Variants in SOX5 observed in about 807,000 individuals in gnomAD.
SOX5 encodes the protein SRY-box transcription factor 5, also known as transcription factor SOX-5.
In SOX5, 9 loss-of-function variants were observed where a neutral mutation model predicts 92.0. The observed-to-expected ratio is 0.10, with a 90% CI of 0.06 to 0.17. The LOEUF is 0.17. SOX5 is among the 10% of genes least tolerant of loss of function. The pLI is 1.00. For missense variants in SOX5, 642 were observed against 944.5 expected (o/e 0.68, Z 4.20); for synonymous variants, 344 against 336.3 (o/e 1.02, Z -0.25).
intron 4 of SOX5, among the ~76,000 whole-genome samples, chr12:24,127,695 G>C (rs1439804764): frequency 1.3e-5 from 2 of 152,098 alleles, no homozygotes; most frequent in Non-Finnish European, 2.9e-5. Context: ...TCCCCAGTGA[G>C]ATAAAAAATC....
chr12:23,597,664 G>A (rs1222209486), intron 9 of SOX5, among the ~76,000 whole-genome samples: 2 of 152,202 alleles, frequency 1.3e-5, no homozygotes, highest in African/African-American at 4.8e-5. Context: ...TGCATTTGCA[G>A]TTTAACTCTA....
chr12:24,113,387 A>G (rs1431762857), intron 4 of SOX5, among the ~76,000 whole-genome samples: 1 of 151,888 alleles, frequency 6.6e-6, no homozygotes, highest in Non-Finnish European at 1.5e-5. Context: ...ATGAAGTATA[A>G]TATTTATTTG....
At chr12:23,534,963 G>A (rs1940003266) in intron 14 of SOX5, among the ~76,000 whole-genome samples, 1 of 151,980 alleles carries the variant, frequency 6.6e-6, no homozygotes, top group Non-Finnish European at 1.5e-5. Context: ...ACCTGCCTCG[G>A]CCTCCCAAAG....
At chr12:23,564,297 C>T (rs60895386) in intron 10 of SOX5, among the ~76,000 whole-genome samples, 2 of 152,230 alleles carry the variant, frequency 1.3e-5, no homozygotes, top group South Asian at 2.1e-4. Flanking sequence ...TGACATTAGA[C>T]GTACGTTAGT....
intron 1 of SOX5, among the ~76,000 whole-genome samples, chr12:23,948,590 C>CT (rs1202427491): frequency 2.0e-5 from 3 of 150,778 alleles, no homozygotes; most frequent in Non-Finnish European, 4.4e-5. Context: ...TGCATCCTGG[C>CT]TTTTTTTAGC....
intron 4 of SOX5, among the ~76,000 whole-genome samples, chr12:23,750,889 C>T (rs2094159022): frequency 6.6e-6 from 1 of 151,884 alleles, no homozygotes; most frequent in African/African-American, 2.4e-5. Flanking sequence ...TGTATTTACA[C>T]ACTGGCATGA....
intron 3 of SOX5, among the ~76,000 whole-genome samples, chr12:24,246,295 TA>T (rs1300714970): frequency 3.2e-4 from 48 of 149,228 alleles, no homozygotes; most frequent in African/African-American, 8.7e-4. Flanking sequence ...TTTTTTTTTT[TA>T]AAAGATTGTT....
Position 24,304,029 on chromosome 12 carries a change from G to T in SOX5, c.-173-26717C>A, listed in dbSNP as rs567718795. Among the ~76,000 whole-genome samples the T allele has an allele frequency of 8.5e-5, 13 of 152,288 alleles. 1 individual carries two copies. In the South Asian group the frequency reaches 1.5e-3, roughly 17 times the overall value. ...CAATACTAATGGACTGAGTATCGAT[G>T]AGTCTACGGCATACACTACACAAAA... On this transcript the variant is annotated intron_variant, in intron 2 of 4. Transcript: ENST00000446891.
At chr12:24,538,244 T>A (rs984253596) in intron 1 of SOX5, among the ~76,000 whole-genome samples, 1 of 152,150 alleles carries the variant, frequency 6.6e-6, no homozygotes, top group African/African-American at 2.4e-5. Context: ...CTCATGCTAA[T>A]CCCAGCTTGG....
At chr12:24,383,653 C>T (rs965401801) in intron 1 of SOX5, among the ~76,000 whole-genome samples, 4 of 152,140 alleles carry the variant, frequency 2.6e-5, no homozygotes, top group African/African-American at 7.2e-5. Flanking sequence ...TCAGATCCAG[C>T]GTCATGGTAT....
intron 1 of SOX5, among the ~76,000 whole-genome samples, chr12:24,534,535 A>G (rs1204180730): frequency 6.6e-6 from 1 of 152,214 alleles, no homozygotes; most frequent in African/African-American, 2.4e-5. Flanking sequence ...TTTTTAAAAA[A>G]TCAATGTTTT....
chr12:24,028,814 TCAAAC>T (rs1441545485), intron 4 of SOX5, among the ~76,000 whole-genome samples: 1 of 152,030 alleles, frequency 6.6e-6, no homozygotes, highest in East Asian at 1.9e-4. Context: ...TAATTACAAT[TCAAAC>T]CATACACTAA....
At chr12:24,455,674 G>A (rs1942929454) in intron 1 of SOX5, among the ~76,000 whole-genome samples, 1 of 152,202 alleles carries the variant, frequency 6.6e-6, no homozygotes, top group Non-Finnish European at 1.5e-5. Context: ...TTCCAATGAA[G>A]ACTGATAGTC....
At chr12:23,813,907 C>T (rs906145292) in intron 3 of SOX5, among the ~76,000 whole-genome samples, 22 of 152,188 alleles carry the variant, frequency 1.4e-4, no homozygotes, top group African/African-American at 5.3e-4. Context: ...GACATTTAAT[C>T]AGCCTGTCAT....
intron 3 of SOX5, among the ~76,000 whole-genome samples, chr12:24,263,319 A>C (rs139054904): frequency 2.0e-5 from 3 of 151,912 alleles, no homozygotes; most frequent in Admixed American, 2.0e-4. Flanking sequence ...TGAGGTCAGG[A>C]GATCGAGACC....
chr12:24,063,479 T>G (rs1265243895), intron 4 of SOX5, among the ~76,000 whole-genome samples: 1 of 152,202 alleles, frequency 6.6e-6, no homozygotes, highest in African/African-American at 2.4e-5. Context: ...TCCCAGTAAG[T>G]CTATATGTTA....
chr12:24,419,945 CTG>C (rs1965659967), intron 1 of SOX5, among the ~76,000 whole-genome samples: 1 of 152,176 alleles, frequency 6.6e-6, no homozygotes, highest in Non-Finnish European at 1.5e-5. Context: ...CAAAGATAAA[CTG>C]TGAAAGAAGA....
At chr12:24,235,345 A>G (rs1367097411) in intron 3 of SOX5, among the ~76,000 whole-genome samples, 1 of 152,224 alleles carries the variant, frequency 6.6e-6, no homozygotes, top group Non-Finnish European at 1.5e-5. Context: ...AAATAAAATA[A>G]TATTTTCTAA....
chr12:24,292,213 G>T (rs1006846692), intron 2 of SOX5, among the ~76,000 whole-genome samples: 1 of 152,128 alleles, frequency 6.6e-6, no homozygotes, highest in African/African-American at 2.4e-5. Flanking sequence ...GCAGCCCAGG[G>T]TCAGAATCAC....
Sources: gnomAD v4.1 joint callset for allele counts (sites outside exome capture counted in the v4.1 genomes callset) on GRCh38, gnomAD v4.1.1 for gene constraint, MANE v1.5 for transcripts, NCBI Gene and HGNC (gene_info 2026-07-23, HGNC 2026-07-21) for gene names.